Variants in PCDH11Y observed in about 807,000 individuals in gnomAD.
PCDH11Y encodes protocadherin-11 Y-linked.
For synonymous variants in PCDH11Y, 9 were observed against 83.6 expected (o/e 0.11, Z 4.87); for missense variants, 12 against 224.8 (o/e 0.05, Z 6.05).
At chrY:5,336,432 G>A in intron 2 of PCDH11Y, among the ~76,000 whole-genome samples, 3 of 29,741 alleles carry the variant, frequency 1.0e-4, no homozygotes, top group Admixed American at 9.6e-4. Context: ...CACCTCGCCC[G>A]GCTAATTTTT....
At chrY:5,164,919 G>A in intron 2 of PCDH11Y, among the ~76,000 whole-genome samples, 1 of 32,204 alleles carries the variant, frequency 3.1e-5, no homozygotes, top group Admixed American at 2.9e-4. Context: ...TTTAATATCA[G>A]AAAAATAGAT....
At chrY:5,669,180 A>T in intron 4 of PCDH11Y, among the ~76,000 whole-genome samples, 1 of 32,621 alleles carries the variant, frequency 3.1e-5, no homozygotes, top group African/African-American at 1.2e-4. Flanking sequence ...AATATTCGAA[A>T]TCCTCTCGTC....
At chrY:5,719,265 A>G in intron 4 of PCDH11Y, among the ~76,000 whole-genome samples, 3 of 33,994 alleles carry the variant, frequency 8.8e-5, no homozygotes, top group Non-Finnish European at 2.2e-4. Flanking sequence ...AGAAAATTTC[A>G]TAAGTATTGA....
intron 2 of PCDH11Y, among the ~76,000 whole-genome samples, chrY:5,343,705 C>T: frequency 9.5e-5 from 3 of 31,639 alleles, no homozygotes; most frequent in Admixed American, 3.0e-4. Flanking sequence ...GCAGCCTCCA[C>T]ATCCCAGGCT....
intron 4 of PCDH11Y, among the ~76,000 whole-genome samples, chrY:5,716,599 G>A (rs2124713580): frequency 1.5e-4 from 5 of 32,788 alleles, no homozygotes; most frequent in Non-Finnish European, 3.8e-4. Context: ...ACCAAAAAAG[G>A]TAAAATATTC....
At chrY:5,516,624 T>TTTTG (rs2053373099) in intron 3 of PCDH11Y, among the ~76,000 whole-genome samples, 14 of 32,757 alleles carry the variant, frequency 4.3e-4, no homozygotes, top group South Asian at 6.7e-4. Context: ...ATTTACGTTT[T>TTTTG]TTTGTTTGTT....
At chrY:5,414,312 A>G in intron 2 of PCDH11Y, among the ~76,000 whole-genome samples, 1 of 27,683 alleles carries the variant, frequency 3.6e-5, no homozygotes, top group East Asian at 9.0e-4. Flanking sequence ...ATTAGTTTCA[A>G]ATAATTTCTT....
At chrY:5,455,339 G>A (rs1602928221) in intron 2 of PCDH11Y, among the ~76,000 whole-genome samples, 1 of 33,252 alleles carries the variant, frequency 3.0e-5, no homozygotes, top group Admixed American at 2.7e-4. Context: ...CACTATCAGC[G>A]TTTTGATCAC....
intron 2 of PCDH11Y, among the ~76,000 whole-genome samples, chrY:5,427,951 G>A (rs2053265306): frequency 3.0e-5 from 1 of 33,365 alleles, no homozygotes; most frequent in Non-Finnish European, 7.4e-5. Flanking sequence ...ATAGCCTAAT[G>A]TTCTTTGGTT....
intron 2 of PCDH11Y, among the ~76,000 whole-genome samples, chrY:5,112,877 C>G: frequency 3.0e-5 from 1 of 33,780 alleles, no homozygotes; most frequent in Non-Finnish European, 7.4e-5. Context: ...ATAACAGTCA[C>G]TTTTAAAATA....
rs2053495009 is a variant in PCDH11Y, at chrY:5,617,740, T to TA, written c.3352+35951dup. 2.2e-4 allele frequency among the ~76,000 whole-genome samples: 7 copies of TA among 31,775 alleles called. No homozygotes were observed. The East Asian group carries it at 4.0e-3, about 18-fold the overall frequency. 85.2% of individuals were successfully genotyped at this position (31,775 alleles called of 37,273 possible). On this transcript the variant is annotated intron_variant, in intron 4 of 4. Transcript: ENST00000400457. The stretch of plus-strand genomic sequence containing the variant: ...ATTCTGCTGCCCAGTTTCTTAAAAC[T>TA]AAAAAAAAATCATGACAAAAGAATG...
At chrY:5,018,077 G>A (rs1602837311) in intron 1 of PCDH11Y, among the ~76,000 whole-genome samples, 3 of 31,169 alleles carry the variant, frequency 9.6e-5, no homozygotes, top group South Asian at 1.5e-3. Flanking sequence ...GCAGAACACC[G>A]TGCCTTGAGG....
chrY:5,084,870 T>A (rs2124632685), intron 1 of PCDH11Y, among the ~76,000 whole-genome samples: 7 of 33,365 alleles, frequency 2.1e-4, no homozygotes, highest in Admixed American at 1.9e-3. Context: ...TTTTTTCTCT[T>A]TTTCATTTTC....
At chrY:5,058,208 TAGAG>T (rs2052667925) in intron 1 of PCDH11Y, among the ~76,000 whole-genome samples, 2 of 32,763 alleles carry the variant, frequency 6.1e-5, no homozygotes, top group African/African-American at 2.4e-4. Context: ...ATGGAGAAGT[TAGAG>T]AGAAGAATAG....
At chrY:5,409,633 G>A (rs2124678142) in intron 2 of PCDH11Y, among the ~76,000 whole-genome samples, 1 of 32,376 alleles carries the variant, frequency 3.1e-5, no homozygotes, top group East Asian at 8.3e-4. Context: ...TTTCTATATT[G>A]ATCTTATATC....
At chrY:5,700,199 GA>G (rs2053576254) in intron 4 of PCDH11Y, among the ~76,000 whole-genome samples, 1 of 33,156 alleles carries the variant, frequency 3.0e-5, no homozygotes. Context: ...AATAAATAGA[GA>G]AAAAAAATCT....
At chrY:5,072,410 C>T in intron 1 of PCDH11Y, among the ~76,000 whole-genome samples, 9 of 32,280 alleles carry the variant, frequency 2.8e-4, no homozygotes, top group Non-Finnish European at 4.6e-4. Context: ...AAGGGAGATG[C>T]AATGTTATAA....
intron 2 of PCDH11Y, among the ~76,000 whole-genome samples, chrY:5,200,066 C>T: frequency 9.2e-5 from 3 of 32,469 alleles, no homozygotes; most frequent in Non-Finnish European, 2.2e-4. Context: ...AGACATGAGA[C>T]CGGTTATCAC....
At chrY:5,301,377 T>A in intron 2 of PCDH11Y, among the ~76,000 whole-genome samples, 1 of 33,681 alleles carries the variant, frequency 3.0e-5, no homozygotes, top group South Asian at 6.6e-4. Context: ...GCTGGGTTTA[T>A]TCAAAATTTC....
Sources: allele counts gnomAD v4.1 joint callset (sites outside exome capture counted in the v4.1 genomes callset), GRCh38; gene constraint gnomAD v4.1.1; transcripts MANE v1.5; gene names NCBI Gene and HGNC (gene_info 2026-07-23, HGNC 2026-07-21).